TMEM165: variants seen among roughly 807,000 people sequenced by gnomAD.
TMEM165 encodes transmembrane protein 165.
Under a neutral mutation model 30.0 loss-of-function variants are expected in TMEM165, and 19 were observed. The observed-to-expected ratio is 0.63, with a 90% confidence interval of 0.44 to 0.93. The LOEUF (loss-of-function observed/expected upper bound fraction) is 0.93, where lower values mean the gene tolerates loss of function less well. TMEM165 is among the 40% of genes least tolerant of loss of function. The pLI is 0.00. For missense variants in TMEM165, 340 were observed against 417.0 expected, an observed-to-expected ratio of 0.82 and a Z score of 1.61; for synonymous variants, 168 against 162.9, an observed-to-expected ratio of 1.03 and a Z score of -0.24.
intron 1 of TMEM165, among the ~76,000 whole-genome samples, chr4:55,403,494 TTTTC>T (rs1279283166): frequency 1.3e-4 from 19 of 144,820 alleles, no homozygotes; most frequent in Admixed American, 9.6e-4. Flanking sequence ...GCCTTTTTCT[TTTTC>T]TTTTTTTTTT....
downstream of TMEM165, among the ~76,000 whole-genome samples, chr4:55,427,655 A>ATAAC (rs1722284073): frequency 6.6e-6 from 1 of 151,896 alleles, no homozygotes; most frequent in South Asian, 2.1e-4. Context: ...GTTTTTTCTA[A>ATAAC]TAACAACAGA....
chr4:55,399,495 G>A (rs187120628), intron 1 of TMEM165, among the ~76,000 whole-genome samples: 30 of 152,186 alleles, frequency 2.0e-4, no homozygotes, highest in African/African-American at 7.2e-4. Flanking sequence ...TAACTATTTT[G>A]GATTAAGTTA....
intron 4 of TMEM165, 177 bp downstream of exon 4, chr4:55,418,162 C>T (rs1003660589): frequency 6.0e-6 from 3 of 503,126 alleles, no homozygotes; most frequent in Non-Finnish European, 9.9e-6. Context: ...CTGCTACCTG[C>T]AGGTGAAATT....
intron 1 of TMEM165, chr4:55,403,259 G>A: frequency 5.4e-6 from 7 of 1,287,930 alleles, no homozygotes; most frequent in African/African-American, 3.1e-5. Flanking sequence ...TTTCTTGGTA[G>A]CAAGCTGTAG....
intron 3 of TMEM165, chr4:55,443,711 CTGT>C (rs746338839): frequency 3.9e-5 from 63 of 1,614,084 alleles, no homozygotes; most frequent in African/African-American, 1.2e-4. Flanking sequence ...TCTGTAAAGT[CTGT>C]TGTTGTATCA....
At chr4:55,421,297 C>CTTTTTTT (rs766025971) in intron 4 of TMEM165, among the ~76,000 whole-genome samples, 34 of 105,892 alleles carry the variant, frequency 3.2e-4, no homozygotes, top group African/African-American at 5.5e-4. Context: ...TTCTTTCTTT[C>CTTTTTTT]TTTTTTTTTT....
chr4:55,408,247 TTA>T (rs1268048060), intron 1 of TMEM165, among the ~76,000 whole-genome samples: 3 of 152,192 alleles, frequency 2.0e-5, no homozygotes, highest in African/African-American at 7.2e-5. Flanking sequence ...GTAACAAGCT[TTA>T]TGTTTATTTT....
At chr4:55,437,478 T>C (rs574892606) in intron 3 of TMEM165, among the ~76,000 whole-genome samples, 1 of 152,330 alleles carries the variant, frequency 6.6e-6, no homozygotes, top group South Asian at 2.1e-4. Context: ...CTTTCTTCTG[T>C]ATCCTATAGA....
At chr4:55,404,002 G>A (rs1721163640) in intron 1 of TMEM165, among the ~76,000 whole-genome samples, 1 of 149,100 alleles carries the variant, frequency 6.7e-6, no homozygotes, top group African/African-American at 2.5e-5. Flanking sequence ...TTGACTATTA[G>A]TTTCGTTTTC....
At chr4:55,449,431 T>C in intron 3 of TMEM165, 1 of 1,614,002 alleles carries the variant, frequency 6.2e-7, no homozygotes. Context: ...TGCACCATCT[T>C]CTCATGAGCT....
At chr4:55,411,183 G>C (rs896427570) in intron 1 of TMEM165, among the ~76,000 whole-genome samples, 21 of 151,256 alleles carry the variant, frequency 1.4e-4, no homozygotes, top group Non-Finnish European at 2.9e-5. Flanking sequence ...TAGCAGGTCT[G>C]TACTCTGTTC....
At chr4:55,428,566 A>G (rs1392594373), downstream of TMEM165, 1 of 152,212 alleles carries the variant, frequency 6.6e-6, no homozygotes, top group Admixed American at 6.5e-5. Flanking sequence ...AGTAAAGGGT[A>G]TTCTTATCTC....
chr4:55,417,387 T>C (rs1434431928), intron 3 of TMEM165, 140 bp downstream of exon 3: 12 of 839,446 alleles, frequency 1.4e-5, no homozygotes, highest in East Asian at 5.5e-5. Flanking sequence ...TCTGTTCTTA[T>C]ACCTGTCTGT....
downstream of TMEM165, among the ~76,000 whole-genome samples, chr4:55,427,714 C>T (rs369446718): frequency 1.2e-4 from 18 of 152,290 alleles, no homozygotes; most frequent in African/African-American, 3.6e-4. Flanking sequence ...CGTGTAACCT[C>T]AGTTCAGGTA....
intron 5 of TMEM165, among the ~76,000 whole-genome samples, chr4:55,424,986 G>A (rs1222587306): frequency 6.6e-6 from 1 of 152,204 alleles, no homozygotes; most frequent in Non-Finnish European, 1.5e-5. Context: ...TACTGATTCT[G>A]CTGAATATGT....
chr4:55,418,595 A>G (rs191257806), intron 4 of TMEM165, among the ~76,000 whole-genome samples: 1 of 152,276 alleles, frequency 6.6e-6, no homozygotes, highest in East Asian at 1.9e-4. Flanking sequence ...CAGACTACTT[A>G]TAATTATTGT....
At chr4:55,449,978 A>T in intron 3 of TMEM165, 2 of 1,309,186 alleles carry the variant, frequency 1.5e-6, no homozygotes, top group Non-Finnish European at 2.1e-6. Flanking sequence ...ACATTTCAGA[A>T]ATGTAAAAAC....
chr4:55,430,528 CAG>C (rs1722428908), downstream of TMEM165: 5 of 152,290 alleles, frequency 3.3e-5, no homozygotes, highest in South Asian at 8.3e-4. Context: ...AATTCATCCC[CAG>C]TGTTTCCACA....
chr4:55,396,829 A>G (rs1264136066), intron 1 of TMEM165, among the ~76,000 whole-genome samples: 1 of 152,072 alleles, frequency 6.6e-6, no homozygotes, highest in Non-Finnish European at 1.5e-5. Flanking sequence ...CCCAAATTCA[A>G]CTTGGCACTG....
Sources: allele counts gnomAD v4.1 joint callset (sites outside exome capture counted in the v4.1 genomes callset), GRCh38; gene constraint gnomAD v4.1.1; transcripts MANE v1.5; gene names NCBI Gene and HGNC (gene_info 2026-07-23, HGNC 2026-07-21).